The following DAPK1 variants were observed in gnomAD, a reference collection of about 807,000 sequenced individuals.
DAPK1 encodes death associated protein kinase 1.
In DAPK1, 56 loss-of-function variants were observed where a neutral mutation model predicts 144.9. The ratio of observed to expected loss-of-function variants is 0.39; its 90% confidence interval spans 0.31 to 0.48. DAPK1 has a LOEUF of 0.48. Among genes scored for constraint, DAPK1 ranks in the 20% least tolerant of loss-of-function variants. The pLI, the probability that DAPK1 is intolerant of heterozygous loss-of-function variation, is 0.95. For synonymous variants in DAPK1, 690 were observed against 749.0 expected, an observed-to-expected ratio of 0.92 and a Z score of 1.29; for missense variants, 1,454 against 1,875.4, an observed-to-expected ratio of 0.78 and a Z score of 4.15.
Position 87,706,034 on chromosome 9 carries a change from C to T in DAPK1, c.3061-98C>T, listed in dbSNP as rs974287071. The T allele has an allele frequency of 3.5e-6, 3 of 847,310 alleles. No homozygotes were observed. Among genetic ancestry groups the T allele is most frequent in the Non-Finnish European group, 5.7e-6 (3 of 524,044 alleles). The allele number at this position is 847,310 out of a possible 1,614,324, so 52.5% of individuals were successfully genotyped here. A position where few individuals can be genotyped will look rare whatever the true frequency, so the allele number is the denominator to read the frequency against. ...GTCACTCCTTAGAGCATCTGCTCAG[C>T]CTCTGTTGCCGGCATCAGGCCCTTT... On this transcript the variant is annotated intron_variant, in intron 25 of 25. Coordinates refer to ENST00000408954, the MANE Select transcript of DAPK1 (RefSeq NM_004938.4). This position sits in a 1 kb window ranked among gnomAD's most constrained non-coding sequence, Gnocchi z 9.0.
intron 2 of DAPK1, among the ~76,000 whole-genome samples, chr9:87,547,943 C>T (rs1826321662): frequency 6.6e-6 from 1 of 152,288 alleles, no homozygotes; most frequent in South Asian, 2.1e-4. Flanking sequence ...AGGGCCCAGT[C>T]AGGTTGACAC....
chr9:87,614,289 C>G (rs1209548952), intron 3 of DAPK1, among the ~76,000 whole-genome samples: 1 of 152,150 alleles, frequency 6.6e-6, no homozygotes, highest in Non-Finnish European at 1.5e-5. Flanking sequence ...GCTCATAGAT[C>G]TGTAGTTTTT....
intron 14 of DAPK1, among the ~76,000 whole-genome samples, chr9:87,647,804 C>T (rs142944576): frequency 2.1e-3 from 326 of 152,306 alleles, no homozygotes; most frequent in African/African-American, 7.3e-3. Flanking sequence ...ATCACAGACA[C>T]TAGAAGATAT....
At chr9:87,680,653 G>GCACA (rs35117625) in intron 19 of DAPK1, among the ~76,000 whole-genome samples, 7,214 of 150,520 alleles carry the variant, frequency 0.048, 200 homozygotes, top group Non-Finnish European at 0.06. Flanking sequence ...ACACACACAC[G>GCACA]CGCACACACA....
chr9:87,545,265 G>T (rs376105772), intron 2 of DAPK1, among the ~76,000 whole-genome samples: 6 of 152,138 alleles, frequency 3.9e-5, no homozygotes, highest in Non-Finnish European at 5.9e-5. Context: ...TAGGAAGTGC[G>T]TAATGAGCTT....
chr9:87,580,897 ATGTT>A (rs769164680), intron 2 of DAPK1, among the ~76,000 whole-genome samples: 26 of 152,234 alleles, frequency 1.7e-4, no homozygotes, highest in Admixed American at 7.2e-4. Context: ...CTTAATGTGA[ATGTT>A]TGATCATTAT....
intron 18 of DAPK1, among the ~76,000 whole-genome samples, chr9:87,661,817 A>G (rs1830857671): frequency 6.6e-6 from 1 of 152,142 alleles, no homozygotes; most frequent in South Asian, 2.1e-4. Context: ...TGCTGTGCAG[A>G]AGCTTTTAGT....
At chr9:87,694,617 T>C (rs1223643577) in intron 21 of DAPK1, among the ~76,000 whole-genome samples, 1 of 152,160 alleles carries the variant, frequency 6.6e-6, no homozygotes, top group African/African-American at 2.4e-5. Context: ...CAGCAGTGGC[T>C]GCAGACAGGG....
intron 8 of DAPK1, 38 bp downstream of exon 8, chr9:87,640,488 C>A: frequency 6.2e-7 from 1 of 1,601,032 alleles, no homozygotes; most frequent in Non-Finnish European, 8.5e-7. Context: ...TTGGCCACGG[C>A]CTCAGCCAGC....
At chr9:87,576,650 C>G (rs1827573177) in intron 2 of DAPK1, among the ~76,000 whole-genome samples, 1 of 152,164 alleles carries the variant, frequency 6.6e-6, no homozygotes, top group Non-Finnish European at 1.5e-5. Flanking sequence ...CTCCGCTTCC[C>G]AGGTTCAAGT....
chr9:87,530,638 C>CT (rs1563977877), intron 2 of DAPK1, among the ~76,000 whole-genome samples: 1 of 152,136 alleles, frequency 6.6e-6, no homozygotes, highest in East Asian at 1.9e-4. Context: ...GAAGTTAGTT[C>CT]TTTAAAAAGA....
At chr9:87,561,439 T>C (rs1826919813) in intron 2 of DAPK1, among the ~76,000 whole-genome samples, 1 of 151,722 alleles carries the variant, frequency 6.6e-6, no homozygotes, top group Admixed American at 6.6e-5. Flanking sequence ...GGCAGGAGAA[T>C]GGCGTGAACC....
chr9:87,632,467 G>A, intron 3 of DAPK1: 1 of 980,090 alleles, frequency 1.0e-6, no homozygotes, highest in South Asian at 4.7e-5. Context: ...TATATATATA[G>A]GAATGAAGGG....
intron 2 of DAPK1, among the ~76,000 whole-genome samples, chr9:87,550,952 G>A (rs1208981964): frequency 6.6e-6 from 1 of 152,134 alleles, no homozygotes; most frequent in East Asian, 1.9e-4. Context: ...CCCTGACCCC[G>A]GGGAGGGGGC....
In DAPK1 at chr9:87,604,943, T is replaced by C. The variant is rs764307707; in HGVS notation, c.63-11T>C. 1.2e-6 allele frequency: 2 copies of C among 1,612,170 alleles called. No individual in the cohort carries two copies. The highest frequency in any genetic ancestry group is 1.7e-6 in the Non-Finnish European group (2 of 1,178,452). ...ATGAACGATAAAGAATCCTCCATCT[T>C]CTCTTTTCAGTGGACAGTTTGCGGT... On this transcript the variant is annotated splice_polypyrimidine_tract_variant and intron_variant, in intron 2 of 25. Coordinates refer to ENST00000408954, the MANE Select transcript of DAPK1 (RefSeq NM_004938.4).
At chr9:87,539,430 CTT>C (rs34369093) in intron 2 of DAPK1, among the ~76,000 whole-genome samples, 10 of 129,218 alleles carry the variant, frequency 7.7e-5, no homozygotes, top group Admixed American at 1.7e-4. Flanking sequence ...AAATTTCTCA[CTT>C]TTTTTTTTTT....
intron 2 of DAPK1, among the ~76,000 whole-genome samples, chr9:87,549,929 A>G (rs1018210377): frequency 6.6e-6 from 1 of 152,136 alleles, no homozygotes; most frequent in East Asian, 1.9e-4. Context: ...ATGCATTTCA[A>G]AGTAAGTTGC....
chr9:87,657,742 G>A (rs1186222486), intron 17 of DAPK1: 1 of 424,710 alleles, frequency 2.4e-6, no homozygotes, highest in East Asian at 5.2e-5. Context: ...CTGGAACTCT[G>A]GACCTTGAGC....
chr9:87,650,311 G>T (rs979501332), intron 16 of DAPK1, 193 bp downstream of exon 16: 4 of 574,880 alleles, frequency 7.0e-6, no homozygotes, highest in Admixed American at 3.3e-5. Context: ...TTAATTTATG[G>T]CATATAACAA....
Sources: allele counts gnomAD v4.1 joint callset (sites outside exome capture counted in the v4.1 genomes callset), GRCh38; gene constraint gnomAD v4.1.1; non-coding constraint Gnocchi (gnomAD v3.1); transcripts MANE v1.5; gene names NCBI Gene and HGNC (gene_info 2026-07-23, HGNC 2026-07-21).